The following CPA6 variants were observed in gnomAD, a reference collection of about 807,000 sequenced individuals.
The protein encoded by CPA6 is carboxypeptidase B.
In CPA6, 58 loss-of-function variants were observed where a neutral mutation model predicts 63.3. That is an observed-to-expected ratio of 0.92 (90% CI 0.74 to 1.14). CPA6 has a LOEUF of 1.14. Ranked by LOEUF, CPA6 falls within the 50% of genes most tolerant of loss-of-function variation. CPA6 has a pLI of 0.00. For synonymous variants in CPA6, 185 were observed against 179.0 expected (o/e 1.03, Z -0.27); for missense variants, 565 against 526.6 (o/e 1.07, Z -0.71).
At chr8:67,645,250 A>C (rs1469030704) in intron 1 of CPA6, among the ~76,000 whole-genome samples, 6 of 152,220 alleles carry the variant, frequency 3.9e-5, no homozygotes, top group Non-Finnish European at 7.3e-5. Flanking sequence ...CTATATTCAA[A>C]TATATCATGT....
At chr8:67,558,989 A>G (rs1813134702) in intron 2 of CPA6, among the ~76,000 whole-genome samples, 1 of 152,144 alleles carries the variant, frequency 6.6e-6, no homozygotes. Context: ...TTGGCTCCCA[A>G]ATTTTACCAC....
At chr8:67,461,044 G>A (rs1045140821) in intron 8 of CPA6, among the ~76,000 whole-genome samples, 10 of 135,574 alleles carry the variant, frequency 7.4e-5, no homozygotes, top group African/African-American at 1.4e-4. Context: ...AGCATAATTC[G>A]ATTTCTTTTT....
At chr8:67,701,536 T>C (rs1871830) in intron 1 of CPA6, among the ~76,000 whole-genome samples, 67,726 of 152,030 alleles carry the variant, frequency 0.45, 17,163 homozygotes, top group African/African-American at 0.7. Flanking sequence ...CCGTCCCACA[T>C]GATGATTTAA....
chr8:67,473,271 C>T (rs1811104257), intron 8 of CPA6, among the ~76,000 whole-genome samples: 1 of 152,124 alleles, frequency 6.6e-6, no homozygotes, highest in Admixed American at 6.5e-5. Context: ...GTTGATGAGA[C>T]AGAGGAGTGC....
chr8:67,622,961 A>G (rs1186669892), intron 2 of CPA6, among the ~76,000 whole-genome samples: 1 of 152,226 alleles, frequency 6.6e-6, no homozygotes, highest in Non-Finnish European at 1.5e-5. Flanking sequence ...GTAAAAACTA[A>G]CACTCAATTG....
chr8:67,705,676 G>A (rs958490678), intron 1 of CPA6, among the ~76,000 whole-genome samples: 2 of 152,136 alleles, frequency 1.3e-5, no homozygotes, highest in African/African-American at 4.8e-5. Context: ...TTTCTCCTGG[G>A]AAAGCTACCT....
chr8:67,595,779 CGTCT>C lies in CPA6; in HGVS notation c.192+28393_192+28396del, dbSNP rs1039064250. Among the ~76,000 whole-genome samples the C allele has an allele frequency of 7.9e-5, 12 of 152,246 alleles. No homozygotes were observed. In the East Asian group the frequency reaches 1.9e-3, roughly 25 times the overall value. Reference sequence around the variant, plus strand: ...GGGAGTGGCCTGATTTTCCAGGTGCCGTCTGTCACCCCTTTCCTTGACCAGGAAA... The same window carrying C: ...GGGAGTGGCCTGATTTTCCAGGTGCCGTCACCCCTTTCCTTGACCAGGAAA... On this transcript the variant is annotated intron_variant, in intron 2 of 10. Transcript: ENST00000297770.
chr8:67,584,280 A>G (rs958563160), intron 2 of CPA6, among the ~76,000 whole-genome samples: 6 of 152,194 alleles, frequency 3.9e-5, no homozygotes, highest in Non-Finnish European at 8.8e-5. Context: ...TGTAAGTGCA[A>G]GTGTGCCGAT....
At position 67,433,999 on chromosome 8, in the gene CPA6, C is replaced by CA. The variant is rs747170450; in HGVS notation, c.1041+38dup. The CA allele has an allele frequency of 2.4e-5, 35 of 1,433,650 alleles. No homozygotes were observed. In the Middle Eastern group the frequency reaches 9.5e-4, roughly 39 times the overall value. 88.8% of individuals were successfully genotyped at this position (1,433,650 alleles called of 1,614,324 possible). ...AACCATCTTAGCTTCAGAAAAGCAG[C>CA]ATGAAGCCTGATGTACATGCACAGG... On this transcript the variant is annotated intron_variant, in intron 9 of 10. Transcript: ENST00000297770.
chr8:67,519,938 TA>T (rs1172990463), intron 2 of CPA6, among the ~76,000 whole-genome samples: 1 of 152,132 alleles, frequency 6.6e-6, no homozygotes, highest in Non-Finnish European at 1.5e-5. Flanking sequence ...TATTTATTTT[TA>T]TTTTTTTGGC....
intron 8 of CPA6, among the ~76,000 whole-genome samples, chr8:67,455,589 G>C (rs1160227156): frequency 8.2e-6 from 1 of 122,370 alleles, no homozygotes; most frequent in African/African-American, 3.2e-5. Flanking sequence ...TGTTGGATTA[G>C]AAAATGAGTG....
At chr8:67,732,099 A>T (rs760907820) in intron 1 of CPA6, among the ~76,000 whole-genome samples, 11 of 152,126 alleles carry the variant, frequency 7.2e-5, no homozygotes, top group South Asian at 2.1e-4. Flanking sequence ...CGGTCCAGTC[A>T]CTTTTAAGAG....
At chr8:67,551,817 T>A (rs1393209478) in intron 2 of CPA6, among the ~76,000 whole-genome samples, 1 of 152,212 alleles carries the variant, frequency 6.6e-6, no homozygotes, top group East Asian at 1.9e-4. Flanking sequence ...TGATTTTTAC[T>A]AGAATATTGG....
At chr8:67,534,855 T>A (rs375276781) in intron 2 of CPA6, among the ~76,000 whole-genome samples, 2 of 152,088 alleles carry the variant, frequency 1.3e-5, no homozygotes, top group South Asian at 4.1e-4. Context: ...CTCTAAATGC[T>A]GTCCCTCCCC....
At chr8:67,520,181 GAGGCAC>G (rs1812231317) in intron 2 of CPA6, among the ~76,000 whole-genome samples, 1 of 148,296 alleles carries the variant, frequency 6.7e-6, no homozygotes, top group Admixed American at 6.7e-5. Flanking sequence ...TTCAGATAGA[GAGGCAC>G]AGGTAGCTAA....
At chr8:67,652,222 T>C (rs1330832390) in intron 1 of CPA6, among the ~76,000 whole-genome samples, 3 of 152,218 alleles carry the variant, frequency 2.0e-5, no homozygotes, top group African/African-American at 4.8e-5. Context: ...TGTGTCTTTA[T>C]AGCAGCATGA....
chr8:67,476,602 A>T (rs1370380587), intron 8 of CPA6, among the ~76,000 whole-genome samples: 3 of 145,398 alleles, frequency 2.1e-5, no homozygotes, highest in African/African-American at 5.2e-5. Context: ...TTCAATTCAT[A>T]TGGTTATTCT....
chr8:67,517,450 C>T (rs934011938), intron 3 of CPA6, among the ~76,000 whole-genome samples: 4 of 152,164 alleles, frequency 2.6e-5, no homozygotes, highest in Non-Finnish European at 5.9e-5. Flanking sequence ...CATAAGATTT[C>T]CCACAATCTG....
At chr8:67,514,509 A>G (rs1812103833) in intron 3 of CPA6, among the ~76,000 whole-genome samples, 1 of 152,208 alleles carries the variant, frequency 6.6e-6, no homozygotes, top group Non-Finnish European at 1.5e-5. Flanking sequence ...ATCTCTACCT[A>G]CTGGGCCCGT....
Sources: gnomAD v4.1 joint callset for allele counts (sites outside exome capture counted in the v4.1 genomes callset) on GRCh38, gnomAD v4.1.1 for gene constraint, MANE v1.5 for transcripts, NCBI Gene and HGNC (gene_info 2026-07-23, HGNC 2026-07-21) for gene names.